PPP1R12B: variants seen among roughly 807,000 people sequenced by gnomAD.
The protein encoded by PPP1R12B is myosin phosphatase target subunit 2.
PPP1R12B carries 76 observed loss-of-function variants against 126.1 expected under a neutral mutation model. That is an observed-to-expected ratio of 0.60 (90% CI 0.50 to 0.73). The LOEUF (loss-of-function observed/expected upper bound fraction) is 0.73, where lower values mean the gene tolerates loss of function less well. Among genes scored for constraint, PPP1R12B ranks in the 30% least tolerant of loss-of-function variants. The pLI is 0.00. For missense variants in PPP1R12B, 1,052 were observed against 1,205.1 expected, an observed-to-expected ratio of 0.87 and a Z score of 1.88; for synonymous variants, 356 against 434.7, an observed-to-expected ratio of 0.82 and a Z score of 2.25.
chr1:202,436,731 T>G (rs907442913), intron 9 of PPP1R12B, among the ~76,000 whole-genome samples: 17 of 152,190 alleles, frequency 1.1e-4, no homozygotes, highest in African/African-American at 4.1e-4. Context: ...AAAATTTCAT[T>G]TTTAACAAAA....
chr1:202,426,772 G>A (rs1269876181), intron 4 of PPP1R12B, among the ~76,000 whole-genome samples: 1 of 152,148 alleles, frequency 6.6e-6, no homozygotes, highest in East Asian at 1.9e-4. Flanking sequence ...AGGTACATAC[G>A]TTTCCGTATA....
chr1:202,367,334 T>A (rs1164444961), intron 1 of PPP1R12B, among the ~76,000 whole-genome samples: 1 of 152,212 alleles, frequency 6.6e-6, no homozygotes, highest in Admixed American at 6.5e-5. Flanking sequence ...ACATAAGCTT[T>A]ATGTAAGCTG....
chr1:202,401,003 A>C (rs1045767360), intron 1 of PPP1R12B, among the ~76,000 whole-genome samples: 5 of 152,186 alleles, frequency 3.3e-5, no homozygotes, highest in African/African-American at 1.2e-4. Flanking sequence ...AAGAAGTAAA[A>C]TATTTTGTGA....
intron 18 of PPP1R12B, among the ~76,000 whole-genome samples, chr1:202,547,752 G>C (rs1685802031): frequency 6.6e-6 from 1 of 152,216 alleles, no homozygotes; most frequent in Non-Finnish European, 1.5e-5. Flanking sequence ...CCTTAAATGT[G>C]TGTAGATTAG....
chr1:202,515,506 A>G (rs901751736), intron 18 of PPP1R12B, among the ~76,000 whole-genome samples: 13 of 152,164 alleles, frequency 8.5e-5, no homozygotes, highest in South Asian at 6.2e-4. Context: ...CCTTCTTTGC[A>G]TAGGCTTCAG....
At chr1:202,389,216 T>TA (rs1327514737) in intron 1 of PPP1R12B, among the ~76,000 whole-genome samples, 3 of 152,052 alleles carry the variant, frequency 2.0e-5, no homozygotes, top group Non-Finnish European at 4.4e-5. Context: ...ACTTCCTGAG[T>TA]AAAATGAAAC....
intron 18 of PPP1R12B, among the ~76,000 whole-genome samples, chr1:202,558,367 A>G (rs935161812): frequency 6.6e-6 from 1 of 150,878 alleles, no homozygotes; most frequent in African/African-American, 2.4e-5. Flanking sequence ...TTACTCTTCT[A>G]CTTTCACTAG....
chr1:202,474,276 G>A (rs1236868027), intron 13 of PPP1R12B, among the ~76,000 whole-genome samples: 1 of 151,788 alleles, frequency 6.6e-6, no homozygotes, highest in African/African-American at 2.4e-5. Context: ...AAACTTAGCT[G>A]ACTAACAAAT....
chr1:202,429,658 G>A (rs1220017807), intron 6 of PPP1R12B, among the ~76,000 whole-genome samples: 1 of 152,184 alleles, frequency 6.6e-6, no homozygotes, highest in Non-Finnish European at 1.5e-5. Context: ...TAATTTGAGT[G>A]GGGAGAATAA....
intron 1 of PPP1R12B, among the ~76,000 whole-genome samples, chr1:202,354,763 G>A (rs1015842443): frequency 1.3e-5 from 2 of 150,092 alleles, no homozygotes; most frequent in Admixed American, 1.3e-4. Context: ...TTCTCCTGCC[G>A]TAGCCTCCTG....
intron 1 of PPP1R12B, among the ~76,000 whole-genome samples, chr1:202,415,043 T>C (rs1012327339): frequency 1.3e-5 from 2 of 152,188 alleles, no homozygotes; most frequent in Non-Finnish European, 2.9e-5. Context: ...CCTCTCAAAG[T>C]GTTGGGATTA....
intron 12 of PPP1R12B, chr1:202,445,102 A>G (rs199709852): frequency 1.3e-5 from 16 of 1,247,108 alleles, no homozygotes; most frequent in Non-Finnish European, 1.6e-5. Context: ...GCCAATCGCA[A>G]TTCATCTCCT....
At chr1:202,497,867 G>A (rs1679757521) in intron 18 of PPP1R12B, among the ~76,000 whole-genome samples, 1 of 152,162 alleles carries the variant, frequency 6.6e-6, no homozygotes, top group Non-Finnish European at 1.5e-5. Flanking sequence ...AAAGGCTTTT[G>A]GAGATAGGAA....
chr1:202,488,435 G>T, intron 13 of PPP1R12B, 98 bp from the exon 14 acceptor site: 3 of 933,788 alleles, frequency 3.2e-6, no homozygotes, highest in Non-Finnish European at 4.8e-6. Context: ...TTCATTCCTA[G>T]AATGTAGAAA....
At chr1:202,357,789 A>G (rs551923610) in intron 1 of PPP1R12B, among the ~76,000 whole-genome samples, 14 of 152,206 alleles carry the variant, frequency 9.2e-5, no homozygotes, top group African/African-American at 3.4e-4. Context: ...ATTCTCTTAC[A>G]TTTATTTCTT....
In PPP1R12B at chr1:202,564,400, G is replaced by A. The variant is rs373024263; in HGVS notation, c.2653-43G>A. 14 of 1,442,660 alleles carry A rather than the reference G, an allele frequency of 9.7e-6. No individual in the cohort carries two copies. In the African/African-American group the frequency reaches 1.5e-4, roughly 16 times the overall value. The allele number at this position is 1,442,660 out of a possible 1,614,324, so 89.4% of individuals were successfully genotyped here. A position where few individuals can be genotyped will look rare whatever the true frequency, so the allele number is the denominator to read the frequency against. On this transcript the variant is annotated intron_variant, in intron 20 of 23. Transcript: ENST00000608999. ...ATTCTCATGTGATGAAATGGTGTGA[G>A]TTCTAACGCGAACGCTGATCCTCTT...
At chr1:202,445,166 A>G (rs1572057206) in intron 12 of PPP1R12B, 2 of 1,246,552 alleles carry the variant, frequency 1.6e-6, no homozygotes, top group African/African-American at 1.6e-5. Context: ...GCCAGTGGCA[A>G]CCTGCCTCTT....
intron 11 of PPP1R12B, among the ~76,000 whole-genome samples, chr1:202,441,960 G>T (rs1253327535): frequency 6.6e-6 from 1 of 151,850 alleles, no homozygotes; most frequent in African/African-American, 2.4e-5. Flanking sequence ...GGGTTCAAGC[G>T]ATTCTCGTGC....
rs1323112531 is a variant in PPP1R12B, at chr1:202,497,095, T to C, written c.2490+273T>C. Among the ~76,000 whole-genome samples, 3 of 152,202 alleles carry C rather than the reference T, an allele frequency of 2.0e-5. No homozygotes were observed. In the East Asian group the frequency reaches 5.8e-4, roughly 29 times the overall value. On this transcript the variant is annotated intron_variant, in intron 18 of 23. Transcript: ENST00000608999. ...TTATAGGATCCATCATTTTCTCTCTTGTATGTTATTGGATTATATGAAGTA... is the reference window on the plus strand; with the variant it reads ...TTATAGGATCCATCATTTTCTCTCTCGTATGTTATTGGATTATATGAAGTA...
Sources: allele counts gnomAD v4.1 joint callset (sites outside exome capture counted in the v4.1 genomes callset), GRCh38; gene constraint gnomAD v4.1.1; transcripts MANE v1.5; gene names NCBI Gene and HGNC (gene_info 2026-07-23, HGNC 2026-07-21).